Variants in GPC6 observed in about 807,000 individuals in gnomAD.
GPC6 encodes glypican-6.
GPC6 carries 14 observed loss-of-function variants against 55.2 expected under a neutral mutation model. That is an observed-to-expected ratio of 0.25 (90% confidence interval 0.17 to 0.40). The LOEUF (loss-of-function observed/expected upper bound fraction) is 0.40, where lower values mean the gene tolerates loss of function less well. GPC6 is among the 10% of genes least tolerant of loss of function. GPC6 has a pLI of 1.00. For synonymous variants in GPC6, 278 were observed against 259.6 expected, an observed-to-expected ratio of 1.07 and a Z score of -0.68; for missense variants, 641 against 708.5, an observed-to-expected ratio of 0.90 and a Z score of 1.08.
intron 2 of GPC6, among the ~76,000 whole-genome samples, chr13:93,607,520 C>A (rs2139534061): frequency 6.6e-6 from 1 of 152,252 alleles, no homozygotes; most frequent in East Asian, 1.9e-4. Flanking sequence ...ATTTTCCTTC[C>A]TTGTATTCCT....
intron 3 of GPC6, among the ~76,000 whole-genome samples, chr13:93,916,286 A>G (rs1877288416): frequency 6.6e-6 from 1 of 152,166 alleles, no homozygotes; most frequent in South Asian, 2.1e-4. Context: ...AACTTGGACT[A>G]TGACAAATGT....
chr13:93,805,569 A>G (rs1207864190), intron 2 of GPC6, among the ~76,000 whole-genome samples: 1 of 152,208 alleles, frequency 6.6e-6, no homozygotes, highest in East Asian at 1.9e-4. Flanking sequence ...TACTTGAACT[A>G]TGTAATGCAT....
intron 7 of GPC6, 84 bp from the exon 8 acceptor site, chr13:94,398,382 G>A: frequency 1.9e-6 from 2 of 1,027,670 alleles, no homozygotes; most frequent in Non-Finnish European, 3.1e-6. Context: ...GTCAGAGACA[G>A]TCATCTGGTT....
intron 2 of GPC6, among the ~76,000 whole-genome samples, chr13:93,662,490 G>A (rs770152370): frequency 2.0e-5 from 3 of 152,022 alleles, no homozygotes; most frequent in Non-Finnish European, 4.4e-5. Flanking sequence ...AAGTAGCTGG[G>A]TGTGGTGGCA....
chr13:93,369,296 C>T (rs1460032261), intron 1 of GPC6, among the ~76,000 whole-genome samples: 1 of 151,962 alleles, frequency 6.6e-6, no homozygotes, highest in Non-Finnish European at 1.5e-5. Flanking sequence ...AGCAAAAATT[C>T]ACTGCAATTA....
chr13:93,325,209 C>G (rs768376572), intron 1 of GPC6, among the ~76,000 whole-genome samples: 1 of 152,022 alleles, frequency 6.6e-6, no homozygotes, highest in Non-Finnish European at 1.5e-5. Flanking sequence ...CACATAACCC[C>G]CCACAATAAA....
rs58000764 is a variant in GPC6 at position 94,401,940 on chromosome 13, TGATTGATAGATA to T, written c.1466-1071_1466-1060del. ...GAGCCAGACCCTATGATTGATTGAT[TGATTGATAGATA>T]GATAGATAGATAGATAGATAATAGA... is the stretch of plus-strand genomic sequence containing the variant. On this transcript the variant is annotated intron_variant, in intron 8 of 8. Coordinates refer to ENST00000377047, the MANE Select transcript of GPC6 (RefSeq NM_005708.5). 5.9e-3 allele frequency among the ~76,000 whole-genome samples: 887 copies of T among 150,440 alleles called. 22 individuals are homozygous for T. In the East Asian group the frequency reaches 0.083, roughly 14 times the overall value.
chr13:93,540,439 AT>A (rs1882246868), intron 1 of GPC6, among the ~76,000 whole-genome samples: 1 of 152,116 alleles, frequency 6.6e-6, no homozygotes, highest in Non-Finnish European at 1.5e-5. Flanking sequence ...GATGTTTATC[AT>A]TTTCAAGAAT....
chr13:93,723,118 A>G (rs922588160), intron 2 of GPC6, among the ~76,000 whole-genome samples: 4 of 152,022 alleles, frequency 2.6e-5, no homozygotes, highest in Non-Finnish European at 5.9e-5. Flanking sequence ...TAATCTTGGT[A>G]ATTACTTTCT....
intron 2 of GPC6, among the ~76,000 whole-genome samples, chr13:93,552,927 C>T (rs554472874): frequency 1.6e-4 from 24 of 152,290 alleles, no homozygotes; most frequent in Middle Eastern, 6.8e-3. Context: ...GTAGAGAAAA[C>T]TTATTTTCTT....
At chr13:94,052,518 C>T (rs180962284) in intron 4 of GPC6, among the ~76,000 whole-genome samples, 1 of 152,014 alleles carries the variant, frequency 6.6e-6, no homozygotes, top group Non-Finnish European at 1.5e-5. Context: ...TGTTGTAGGA[C>T]GAGGGAACCA....
chr13:93,504,164 T>C (rs1390004690), intron 1 of GPC6, among the ~76,000 whole-genome samples: 1 of 152,078 alleles, frequency 6.6e-6, no homozygotes, highest in African/African-American at 2.4e-5. Flanking sequence ...CATAACACCT[T>C]TGATTCGATA....
chr13:93,914,084 A>G (rs1479246372), intron 3 of GPC6, among the ~76,000 whole-genome samples: 1 of 151,806 alleles, frequency 6.6e-6, no homozygotes, highest in Non-Finnish European at 1.5e-5. Context: ...TTTTTATTAT[A>G]CTTTAAGTTT....
At chr13:93,364,178 G>C (rs192712545) in intron 1 of GPC6, among the ~76,000 whole-genome samples, 13 of 152,126 alleles carry the variant, frequency 8.5e-5, no homozygotes, top group Admixed American at 2.6e-4. Context: ...TGTTGCCATT[G>C]CTTTTGGTGT....
intron 1 of GPC6, among the ~76,000 whole-genome samples, chr13:93,354,099 C>T (rs546614650): frequency 1.3e-5 from 2 of 152,250 alleles, no homozygotes; most frequent in South Asian, 4.1e-4. Flanking sequence ...AAGTCTAACC[C>T]TAAGCCTTTA....
intron 4 of GPC6, among the ~76,000 whole-genome samples, chr13:94,162,200 A>G (rs887991248): frequency 6.6e-6 from 1 of 152,130 alleles, no homozygotes; most frequent in Non-Finnish European, 1.5e-5. Context: ...CTGCCGGTGA[A>G]GCTGGATTCA....
chr13:93,228,288 G>A (rs1875882899), intron 1 of GPC6, among the ~76,000 whole-genome samples: 1 of 152,184 alleles, frequency 6.6e-6, no homozygotes, highest in South Asian at 2.1e-4. Flanking sequence ...TCCCGTTAGG[G>A]TTCCTCAGTG....
intron 4 of GPC6, among the ~76,000 whole-genome samples, chr13:94,161,570 A>G (rs1888165192): frequency 6.6e-6 from 1 of 152,188 alleles, no homozygotes; most frequent in Non-Finnish European, 1.5e-5. Flanking sequence ...AGCTCATCAG[A>G]TTCATCATTT....
intron 4 of GPC6, among the ~76,000 whole-genome samples, chr13:94,112,447 C>T (rs1886282412): frequency 6.6e-6 from 1 of 152,276 alleles, no homozygotes; most frequent in South Asian, 2.1e-4. Flanking sequence ...CACTCATTAA[C>T]CAGATGCAGA....
Sources: allele counts gnomAD v4.1 joint callset (sites outside exome capture counted in the v4.1 genomes callset), GRCh38; gene constraint gnomAD v4.1.1; transcripts MANE v1.5; gene names NCBI Gene and HGNC (gene_info 2026-07-23, HGNC 2026-07-21).